FGD4: variants seen among roughly 807,000 people sequenced by gnomAD.
FGD4 encodes the protein FYVE, RhoGEF and PH domain-containing protein 4.
In FGD4, 42 loss-of-function variants were observed where a neutral mutation model predicts 102.0. The ratio of observed to expected loss-of-function variants is 0.41; its 90% CI spans 0.32 to 0.53. The LOEUF (loss-of-function observed/expected upper bound fraction) is 0.53. Among genes scored for constraint, FGD4 ranks in the 20% least tolerant of loss-of-function variants. FGD4 has a pLI of 0.21. For synonymous variants in FGD4, 380 were observed against 375.7 expected, an observed-to-expected ratio of 1.01 and a Z score of -0.13; for missense variants, 902 against 1,078.2, an observed-to-expected ratio of 0.84 and a Z score of 2.29.
intron 1 of FGD4, among the ~76,000 whole-genome samples, chr12:32,541,669 T>C (rs1253187746): frequency 6.6e-6 from 1 of 152,154 alleles, no homozygotes; most frequent in African/African-American, 2.4e-5. Context: ...CGGCCAGTAA[T>C]ATTTTTTCTT....
At chr12:32,587,320 A>G (rs1052737676) in intron 4 of FGD4, among the ~76,000 whole-genome samples, 2 of 152,044 alleles carry the variant, frequency 1.3e-5, no homozygotes, top group Non-Finnish European at 2.9e-5. Flanking sequence ...CCACTGACAC[A>G]TCACTTTTTT....
At chr12:32,621,502 A>G (rs1279843113) in intron 11 of FGD4, among the ~76,000 whole-genome samples, 1 of 152,046 alleles carries the variant, frequency 6.6e-6, no homozygotes, top group Non-Finnish European at 1.5e-5. Context: ...AGGTGAATTT[A>G]CCCTGGATAT....
chr12:32,620,223 G>A (rs148772085), intron 11 of FGD4, among the ~76,000 whole-genome samples: 45 of 152,266 alleles, frequency 3.0e-4, no homozygotes, highest in African/African-American at 1.0e-3. Context: ...GTCCACAAAT[G>A]TTTATTGATG....
chr12:32,541,458 C>T (rs1846553), intron 1 of FGD4, among the ~76,000 whole-genome samples: 59,629 of 151,972 alleles, frequency 0.39, 12,763 homozygotes, highest in African/African-American at 0.57. Context: ...CCTCTGCCTC[C>T]GGGTTCAAGC....
chr12:32,453,867 A>T (rs1205218496), intron 1 of FGD4, among the ~76,000 whole-genome samples: 1 of 152,178 alleles, frequency 6.6e-6, no homozygotes, highest in Non-Finnish European at 1.5e-5. Context: ...GAATGAATGG[A>T]TCAAAACTAT....
chr12:32,494,885 T>A (rs115943321), intron 1 of FGD4, among the ~76,000 whole-genome samples: 1 of 152,152 alleles, frequency 6.6e-6, no homozygotes, highest in African/African-American at 2.4e-5. Flanking sequence ...GAGAAGTGAC[T>A]AGACCTCCCA....
At chr12:32,446,748 A>G (rs1942626979) in intron 1 of FGD4, among the ~76,000 whole-genome samples, 2 of 152,194 alleles carry the variant, frequency 1.3e-5, no homozygotes, top group Non-Finnish European at 2.9e-5. Context: ...GAGGAGAAAC[A>G]GGACACAATA....
chr12:32,442,561 CTTT>C (rs35994170), intron 1 of FGD4, among the ~76,000 whole-genome samples: 1 of 107,120 alleles, frequency 9.3e-6, no homozygotes, highest in Non-Finnish European at 1.8e-5. Context: ...ATCTTTCATC[CTTT>C]TTTTTTTTTT....
chr12:32,546,287 C>T (rs1943218090), intron 1 of FGD4, among the ~76,000 whole-genome samples: 1 of 152,170 alleles, frequency 6.6e-6, no homozygotes, highest in Non-Finnish European at 1.5e-5. Flanking sequence ...TGGTCTCAAA[C>T]TCCTGGGCTG....
At chr12:32,602,092 G>A (rs939174797) in intron 6 of FGD4, 69 bp from the exon 7 acceptor site, 58 of 1,426,894 alleles carry the variant, frequency 4.1e-5, no homozygotes, top group Non-Finnish European at 5.4e-5. Flanking sequence ...TACAGTCTGG[G>A]TGACAGAACA....
At chr12:32,413,126 C>T (rs932714954) in intron 1 of FGD4, among the ~76,000 whole-genome samples, 6 of 151,322 alleles carry the variant, frequency 4.0e-5, no homozygotes, top group Admixed American at 4.0e-4. Flanking sequence ...AAAATAATTA[C>T]CAACAGGGTG....
At chr12:32,413,359 C>T (rs1161180252) in intron 1 of FGD4, among the ~76,000 whole-genome samples, 1 of 152,092 alleles carries the variant, frequency 6.6e-6, no homozygotes, top group East Asian at 1.9e-4. Flanking sequence ...AGAAAGTTGG[C>T]TAACATGTAA....
intron 7 of FGD4, among the ~76,000 whole-genome samples, chr12:32,604,961 T>TA (rs1948679139): frequency 7.0e-6 from 1 of 143,732 alleles, no homozygotes; most frequent in African/African-American, 2.6e-5. Context: ...TTTTTGGAGT[T>TA]AGAGTCTTGC....
intron 1 of FGD4, among the ~76,000 whole-genome samples, chr12:32,563,650 G>A (rs913731568): frequency 4.7e-4 from 71 of 152,236 alleles, no homozygotes; most frequent in African/African-American, 1.4e-3. Flanking sequence ...CAAGGCAGGC[G>A]GCTGGGAGGT....
At chr12:32,622,445 A>G (rs1162777813) in intron 11 of FGD4, among the ~76,000 whole-genome samples, 1 of 152,194 alleles carries the variant, frequency 6.6e-6, no homozygotes, top group African/African-American at 2.4e-5. Context: ...AACATATCCA[A>G]CACGGTACTG....
At chr12:32,535,761 GA>G (rs1404512093) in intron 1 of FGD4, among the ~76,000 whole-genome samples, 1 of 152,164 alleles carries the variant, frequency 6.6e-6, no homozygotes, top group Non-Finnish European at 1.5e-5. Flanking sequence ...AACAGTTAGA[GA>G]TGATTGGAGA....
intron 1 of FGD4, among the ~76,000 whole-genome samples, chr12:32,447,631 TTAGCATTCTA>T (rs1202759642): frequency 4.6e-5 from 7 of 152,230 alleles, no homozygotes; most frequent in Non-Finnish European, 8.8e-5. Flanking sequence ...ACTGAAAGGT[TTAGCATTCTA>T]GTCCTGAGCC....
chr12:32,424,909 G>C (rs576199765), intron 1 of FGD4, among the ~76,000 whole-genome samples: 1 of 152,158 alleles, frequency 6.6e-6, no homozygotes, highest in African/African-American at 2.4e-5. Flanking sequence ...CCCACTTTTT[G>C]ATGGGGTTGT....
chr12:32,490,625 C>T (rs1944055863), intron 1 of FGD4, among the ~76,000 whole-genome samples: 3 of 152,214 alleles, frequency 2.0e-5, no homozygotes, highest in Non-Finnish European at 4.4e-5. Context: ...TCTTGAACTC[C>T]TGACCTTGTG....
Sources: gnomAD v4.1 joint callset for allele counts (sites outside exome capture counted in the v4.1 genomes callset) on GRCh38, gnomAD v4.1.1 for gene constraint, MANE v1.5 for transcripts, NCBI Gene and HGNC (gene_info 2026-07-23, HGNC 2026-07-21) for gene names.